KAZN: variants seen among roughly 807,000 people sequenced by gnomAD.
KAZN encodes kazrin, periplakin interacting protein, also known as kazrin.
KAZN carries 40 observed loss-of-function variants against 87.4 expected under a neutral mutation model. The observed-to-expected ratio is 0.46, with a 90% CI of 0.36 to 0.60. The LOEUF (loss-of-function observed/expected upper bound fraction) is 0.60, where lower values mean the gene tolerates loss of function less well. Ranked by LOEUF, KAZN falls within the 20% of genes least tolerant of loss-of-function variation. KAZN has a pLI of 0.00. For missense variants in KAZN, 898 were observed against 1,073.9 expected, an observed-to-expected ratio of 0.84 and a Z score of 2.29; for synonymous variants, 466 against 458.3, an observed-to-expected ratio of 1.02 and a Z score of -0.22.
chr1:14,997,204 C>CATTTATTT (rs35436643), intron 2 of KAZN, among the ~76,000 whole-genome samples: 95 of 120,892 alleles, frequency 7.9e-4, no homozygotes, highest in African/African-American at 1.5e-3. Context: ...TTCTTTCTTT[C>CATTTATTT]ATTTATTTAT....
Position 14,145,923 on chromosome 1 carries a change from C to T in KAZN, c.92-34512C>T, listed in dbSNP as rs115463897. ...GGTCATGATTATACTTCCTGTCTTG[C>T]ACATTATGACAAAGTTTACCTGATT... On this transcript the variant is annotated intron_variant, in intron 1 of 16. Transcript: ENST00000636203. Among the ~76,000 whole-genome samples, 707 of 152,314 alleles carry T rather than the reference C, an allele frequency of 4.6e-3. 5 individuals carry two copies. Among genetic ancestry groups the T allele is most frequent in the African/African-American group, 0.016 (649 of 41,564 alleles).
Position 15,083,481 on chromosome 1 carries a change from G to A in KAZN, c.1223-10699G>A, listed in dbSNP as rs74935806. Among the ~76,000 whole-genome samples the A allele has an allele frequency of 3.0e-3, 462 of 152,294 alleles. 3 individuals carry two copies. Among genetic ancestry groups the A allele is most frequent in the African/African-American group, 0.01 (424 of 41,558 alleles). On this transcript the variant is annotated intron_variant, in intron 8 of 14. Coordinates refer to ENST00000376030, the MANE Select transcript of KAZN (RefSeq NM_201628.3). ...CTTTCCATGCCACCTGTCCCCGGTAGCTTAGTAAGCATTAGGCATGAGTGT... is the reference window on the plus strand; with the variant it reads ...CTTTCCATGCCACCTGTCCCCGGTAACTTAGTAAGCATTAGGCATGAGTGT...
intron 1 of KAZN, among the ~76,000 whole-genome samples, chr1:13,901,890 C>G (rs1207874174): frequency 6.6e-6 from 1 of 152,264 alleles, no homozygotes; most frequent in South Asian, 2.1e-4. Context: ...AGGTGCTTTA[C>G]TTGTGCTACT....
At chr1:14,413,593 GAAAAAA>G (rs1169921344) in intron 2 of KAZN, among the ~76,000 whole-genome samples, 5 of 66,078 alleles carry the variant, frequency 7.6e-5, no homozygotes, top group Admixed American at 3.9e-4. Context: ...CGTCTCAAAA[GAAAAAA>G]AAAAAAAAAA....
At chr1:14,052,012 T>G (rs1292729978) in intron 1 of KAZN, among the ~76,000 whole-genome samples, 4 of 152,228 alleles carry the variant, frequency 2.6e-5, no homozygotes, top group Non-Finnish European at 5.9e-5. Context: ...GGTATGGCAG[T>G]GGTCCCTTTA....
At chr1:14,758,778 G>A (rs1315463269) in intron 1 of KAZN, among the ~76,000 whole-genome samples, 2 of 152,196 alleles carry the variant, frequency 1.3e-5, no homozygotes, top group Admixed American at 6.5e-5. Context: ...CAGTGAGAGC[G>A]ATTAGAACCT....
intron 2 of KAZN, among the ~76,000 whole-genome samples, chr1:14,448,478 G>C (rs1667102706): frequency 2.0e-5 from 3 of 152,188 alleles, no homozygotes; most frequent in Admixed American, 1.3e-4. Context: ...GAGTATACAT[G>C]GTCATCTGAC....
rs1280738298 is a variant in KAZN, at chr1:14,477,427, TCTCTCTCTCTCTCTCTCCCC to T, written c.250-121539_250-121520del. On this transcript the variant is annotated intron_variant, in intron 2 of 16. Transcript: ENST00000636203. ...ATACACTCCCAGGTAATTCATTCCC[TCTCTCTCTCTCTCTCTCCCC>T]CTCTCTCTCTCTCTCTTTCTCTCTC... 2.1e-3 allele frequency among the ~76,000 whole-genome samples: 320 copies of T among 149,632 alleles called. 1 individual carries two copies. Among genetic ancestry groups the T allele is most frequent in the African/African-American group, 6.2e-3 (252 of 40,714 alleles).
rs1038468311 is a variant in KAZN, at chr1:14,911,673, G to A, written c.227-49011G>A. ...TGGAACGGTTCCCTAGCTAGGAGGT[G>A]CCCAGGGCCACAGGATGGCTCAGTG... On this transcript the variant is annotated intron_variant, in intron 1 of 14. Coordinates refer to ENST00000376030, the MANE Select transcript of KAZN (RefSeq NM_201628.3). Among the ~76,000 whole-genome samples, 3 of 152,300 alleles carry A rather than the reference G, an allele frequency of 2.0e-5. No homozygotes were observed. In the South Asian group the frequency reaches 6.2e-4, roughly 32 times the overall value.
At chr1:14,075,259 C>T (rs1643406521) in intron 1 of KAZN, among the ~76,000 whole-genome samples, 1 of 152,148 alleles carries the variant, frequency 6.6e-6, no homozygotes, top group South Asian at 2.1e-4. Flanking sequence ...TTTTTATTCA[C>T]CACTTGGTCT....
At chr1:14,249,426 T>C (rs1188729427) in intron 2 of KAZN, among the ~76,000 whole-genome samples, 1 of 152,200 alleles carries the variant, frequency 6.6e-6, no homozygotes, top group Non-Finnish European at 1.5e-5. Flanking sequence ...TGGTTGAAAT[T>C]GCAAAATGAA....
intron 1 of KAZN, among the ~76,000 whole-genome samples, chr1:14,624,389 T>A (rs1678942558): frequency 6.7e-6 from 1 of 150,186 alleles, no homozygotes; most frequent in Non-Finnish European, 1.5e-5. Flanking sequence ...GCCACTGCAC[T>A]CCAGCCTGGC....
intron 2 of KAZN, among the ~76,000 whole-genome samples, chr1:14,387,978 T>C (rs1308850645): frequency 6.6e-6 from 1 of 152,214 alleles, no homozygotes; most frequent in African/African-American, 2.4e-5. Flanking sequence ...TCCGTGGGCG[T>C]AGGACCCTCC....
At chr1:14,469,202 A>G (rs1302623605) in intron 2 of KAZN, among the ~76,000 whole-genome samples, 2 of 152,000 alleles carry the variant, frequency 1.3e-5, no homozygotes, top group East Asian at 3.9e-4. Flanking sequence ...ATTATGGGGG[A>G]ATGTGTGTCA....
intron 2 of KAZN, among the ~76,000 whole-genome samples, chr1:14,534,763 T>C (rs1455783906): frequency 6.6e-6 from 1 of 152,224 alleles, no homozygotes; most frequent in Non-Finnish European, 1.5e-5. Flanking sequence ...GAGTAGCCAG[T>C]GATAAGGGTT....
chr1:14,494,053 G>A (rs957708682), intron 2 of KAZN, among the ~76,000 whole-genome samples: 2 of 152,116 alleles, frequency 1.3e-5, no homozygotes, highest in Non-Finnish European at 2.9e-5. Context: ...GGTTCCTAGA[G>A]TAAATCATTT....
At chr1:14,052,371 A>G (rs1642375130) in intron 1 of KAZN, among the ~76,000 whole-genome samples, 1 of 152,388 alleles carries the variant, frequency 6.6e-6, no homozygotes, top group African/African-American at 2.4e-5. Flanking sequence ...ATTGGGCACT[A>G]TGATAATCTG....
intron 1 of KAZN, among the ~76,000 whole-genome samples, chr1:14,642,305 CAGG>C (rs1404955847): frequency 6.6e-6 from 1 of 152,170 alleles, no homozygotes; most frequent in Non-Finnish European, 1.5e-5. Context: ...CAGGCTGAGG[CAGG>C]AGAATTGCTT....
chr1:14,527,783 G>A (rs560189477), intron 2 of KAZN, among the ~76,000 whole-genome samples: 3 of 152,222 alleles, frequency 2.0e-5, no homozygotes, highest in African/African-American at 4.8e-5. Context: ...AACTAATAGA[G>A]TGAGAACTCC....
Sources: gnomAD v4.1 joint callset for allele counts (sites outside exome capture counted in the v4.1 genomes callset) on GRCh38, gnomAD v4.1.1 for gene constraint, MANE v1.5 for transcripts, NCBI Gene and HGNC (gene_info 2026-07-23, HGNC 2026-07-21) for gene names.